Variants in TSPAN9 observed in about 807,000 individuals in gnomAD.
TSPAN9 encodes tetraspanin 9.
Under a neutral mutation model 31.0 loss-of-function variants are expected in TSPAN9, and 16 were observed. That is an observed-to-expected ratio of 0.52 (90% CI 0.35 to 0.78). The LOEUF (loss-of-function observed/expected upper bound fraction) is 0.78. TSPAN9 is among the 30% of genes least tolerant of loss of function. TSPAN9 has a pLI of 0.01. For synonymous variants in TSPAN9, 145 were observed against 121.6 expected (o/e 1.19, Z -1.27); for missense variants, 272 against 312.5 (o/e 0.87, Z 0.98).
At chr12:3,281,712 C>T (rs990556990) in intron 7 of TSPAN9, 22 bp from the exon 8 acceptor site, 6 of 1,606,580 alleles carry the variant, frequency 3.7e-6, no homozygotes, top group Non-Finnish European at 5.1e-6. Context: ...GGGACCCTAA[C>T]CTCGTGGGCC....
intron 2 of TSPAN9, among the ~76,000 whole-genome samples, chr12:3,110,823 G>T (rs1335395644): frequency 9.2e-5 from 14 of 152,214 alleles, no homozygotes; most frequent in Admixed American, 9.2e-4. Flanking sequence ...CTGGCTAGCG[G>T]TGGGGACACT....
chr12:3,270,429 A>G (rs1310680667), intron 3 of TSPAN9, among the ~76,000 whole-genome samples: 1 of 152,164 alleles, frequency 6.6e-6, no homozygotes, highest in African/African-American at 2.4e-5. Context: ...GGACTGGGCC[A>G]TCTCTCACCC....
intron 3 of TSPAN9, among the ~76,000 whole-genome samples, chr12:3,256,518 G>A (rs1163366995): frequency 2.0e-5 from 3 of 152,220 alleles, no homozygotes; most frequent in Non-Finnish European, 4.4e-5. Flanking sequence ...GGGCTGTAGC[G>A]AGAGCTGCCT....
intron 2 of TSPAN9, among the ~76,000 whole-genome samples, chr12:3,174,758 A>ATT (rs1333933706): frequency 8.1e-6 from 1 of 124,002 alleles, no homozygotes; most frequent in African/African-American, 2.5e-5. Flanking sequence ...AATTTTTTGT[A>ATT]TTTTTAGTAG....
intron 2 of TSPAN9, among the ~76,000 whole-genome samples, chr12:3,161,785 ATC>A (rs2098345388): frequency 6.7e-6 from 1 of 150,260 alleles, no homozygotes. Context: ...CTATCTATCT[ATC>A]TATCTATCTA....
intron 3 of TSPAN9, among the ~76,000 whole-genome samples, chr12:3,250,995 C>G (rs1862236001): frequency 6.6e-6 from 1 of 152,248 alleles, no homozygotes; most frequent in African/African-American, 2.4e-5. Context: ...TTCTGCCTTT[C>G]TTCCTCATCT....
At chr12:3,130,565 G>C (rs549398358) in intron 2 of TSPAN9, among the ~76,000 whole-genome samples, 4 of 152,246 alleles carry the variant, frequency 2.6e-5, no homozygotes, top group Admixed American at 2.6e-4. Context: ...AGGGCTTCTC[G>C]GGACTGGCCT....
chr12:3,204,941 C>T (rs771747202), intron 3 of TSPAN9, among the ~76,000 whole-genome samples: 2 of 152,122 alleles, frequency 1.3e-5, no homozygotes, highest in Non-Finnish European at 2.9e-5. Flanking sequence ...ATTCTAAGCC[C>T]CTCCCAGGGG....
intron 3 of TSPAN9, among the ~76,000 whole-genome samples, chr12:3,209,685 C>T (rs1462792266): frequency 6.7e-5 from 10 of 148,270 alleles, no homozygotes; most frequent in East Asian, 2.0e-4. Context: ...GTGGGCCGGG[C>T]GCGGTGGCTC....
chr12:3,090,226 G>T (rs200432557), intron 2 of TSPAN9, among the ~76,000 whole-genome samples: 7 of 71,040 alleles, frequency 9.9e-5, no homozygotes, highest in African/African-American at 8.0e-4. Flanking sequence ...TTCCGTAGTT[G>T]GCGCAGACTT....
At chr12:3,176,631 G>A (rs937131803) in intron 2 of TSPAN9, among the ~76,000 whole-genome samples, 1 of 152,252 alleles carries the variant, frequency 6.6e-6, no homozygotes, top group Non-Finnish European at 1.5e-5. Context: ...GAACATAGCT[G>A]CTGCTGAGAC....
intron 2 of TSPAN9, among the ~76,000 whole-genome samples, chr12:3,118,398 A>G (rs2098323575): frequency 6.6e-6 from 1 of 150,412 alleles, no homozygotes; most frequent in African/African-American, 2.5e-5. Flanking sequence ...AGTAGCTGGG[A>G]TGACAGGCAC....
chr12:3,165,161 A>G (rs1189604877), intron 2 of TSPAN9, among the ~76,000 whole-genome samples: 1 of 152,198 alleles, frequency 6.6e-6, no homozygotes, highest in Non-Finnish European at 1.5e-5. Flanking sequence ...GTTCACTCAC[A>G]GCCCTAGGCT....
chr12:3,127,606 C>T (rs1358994555), intron 2 of TSPAN9, among the ~76,000 whole-genome samples: 13 of 152,190 alleles, frequency 8.5e-5, no homozygotes, highest in South Asian at 6.2e-4. Flanking sequence ...CCACCTGCCT[C>T]GGCCTCCCAA....
At chr12:3,199,770 C>T (rs914164583) in intron 2 of TSPAN9, among the ~76,000 whole-genome samples, 1 of 152,224 alleles carries the variant, frequency 6.6e-6, no homozygotes, top group Admixed American at 6.5e-5. Flanking sequence ...GCGCGCACCC[C>T]GCAGAGGCCC....
chr12:3,105,210 C>A (rs947771757), intron 2 of TSPAN9, among the ~76,000 whole-genome samples: 6 of 152,162 alleles, frequency 3.9e-5, no homozygotes, highest in Non-Finnish European at 8.8e-5. Context: ...GACTTGGGCT[C>A]AGTGCCCCGA....
At chr12:3,135,783 C>T (rs2153967311) in intron 2 of TSPAN9, among the ~76,000 whole-genome samples, 1 of 152,294 alleles carries the variant, frequency 6.6e-6, no homozygotes, top group Middle Eastern at 3.4e-3. Flanking sequence ...CAGGATGGGT[C>T]TGAGGAAAGG....
intron 2 of TSPAN9, among the ~76,000 whole-genome samples, chr12:3,179,573 A>C (rs2098357648): frequency 6.6e-6 from 1 of 152,156 alleles, no homozygotes; most frequent in South Asian, 2.1e-4. Flanking sequence ...TAGAATTTGT[A>C]ACGGGTAAGA....
intron 2 of TSPAN9, among the ~76,000 whole-genome samples, chr12:3,134,790 T>C (rs1364198210): frequency 1.3e-5 from 2 of 152,120 alleles, no homozygotes; most frequent in African/African-American, 4.8e-5. Context: ...AGGGGCTAGC[T>C]CTGCTGGGGA....
Sources: gnomAD v4.1 joint callset for allele counts (sites outside exome capture counted in the v4.1 genomes callset) on GRCh38, gnomAD v4.1.1 for gene constraint, MANE v1.5 for transcripts, NCBI Gene and HGNC (gene_info 2026-07-23, HGNC 2026-07-21) for gene names.